Variants in KCTD8 observed in about 807,000 individuals in gnomAD.
KCTD8 encodes potassium channel tetramerization domain containing 8.
KCTD8 carries 27 observed loss-of-function variants against 31.5 expected under a neutral mutation model. The ratio of observed to expected loss-of-function variants is 0.86; its 90% CI spans 0.63 to 1.18. The LOEUF (loss-of-function observed/expected upper bound fraction) is 1.18. Among genes scored for constraint, KCTD8 ranks in the 50% most tolerant of loss-of-function variants. The pLI, the probability that KCTD8 is intolerant of heterozygous loss-of-function variation, is 0.00. For synonymous variants in KCTD8, 290 were observed against 280.0 expected, an observed-to-expected ratio of 1.04 and a Z score of -0.36; for missense variants, 658 against 647.7, an observed-to-expected ratio of 1.02 and a Z score of -0.17.
chr4:44,385,159 A>T (rs1181300265), intron 1 of KCTD8, among the ~76,000 whole-genome samples: 2 of 151,726 alleles, frequency 1.3e-5, no homozygotes, highest in Non-Finnish European at 3.0e-5. Flanking sequence ...TTAGGTAGAC[A>T]CTTTAATGCA....
At chr4:44,315,827 A>T (rs1718092834) in intron 1 of KCTD8, among the ~76,000 whole-genome samples, 1 of 152,024 alleles carries the variant, frequency 6.6e-6, no homozygotes, top group African/African-American at 2.4e-5. Context: ...TGTCTTTCTG[A>T]GTGCCAATCC....
At chr4:44,189,840 GCTTT>G (rs1713710086) in intron 1 of KCTD8, among the ~76,000 whole-genome samples, 1 of 151,996 alleles carries the variant, frequency 6.6e-6, no homozygotes. Context: ...CTCCTCTTAT[GCTTT>G]CTATTTTCCT....
At chr4:44,177,958 C>T (rs1172106993) in intron 1 of KCTD8, among the ~76,000 whole-genome samples, 1 of 152,196 alleles carries the variant, frequency 6.6e-6, no homozygotes, top group East Asian at 1.9e-4. Context: ...TGGCCACCAG[C>T]CGTCTTTTCC....
At chr4:44,397,224 C>T (rs182472574) in intron 1 of KCTD8, among the ~76,000 whole-genome samples, 17 of 152,180 alleles carry the variant, frequency 1.1e-4, no homozygotes, top group Admixed American at 1.1e-3. Context: ...AATACAGAAA[C>T]ATGGAGTTAA....
At chr4:44,434,464 T>C (rs1403645716) in intron 1 of KCTD8, among the ~76,000 whole-genome samples, 1 of 151,882 alleles carries the variant, frequency 6.6e-6, no homozygotes, top group African/African-American at 2.4e-5. Flanking sequence ...CACACAGTTA[T>C]TAACTAAAGG....
chr4:44,401,450 A>C (rs914167830), intron 1 of KCTD8, among the ~76,000 whole-genome samples: 3 of 152,128 alleles, frequency 2.0e-5, no homozygotes, highest in African/African-American at 7.2e-5. Context: ...TGGCTTGGGG[A>C]CTTGAGAAAG....
chr4:44,252,920 A>C (rs966799795), intron 1 of KCTD8, among the ~76,000 whole-genome samples: 1 of 151,746 alleles, frequency 6.6e-6, no homozygotes, highest in Non-Finnish European at 1.5e-5. Flanking sequence ...TTGAAGGTTC[A>C]TCATAACTTA....
intron 1 of KCTD8, among the ~76,000 whole-genome samples, chr4:44,255,814 C>T (rs1715973310): frequency 6.6e-6 from 1 of 151,910 alleles, no homozygotes; most frequent in South Asian, 2.1e-4. Flanking sequence ...GATAACATCT[C>T]TATTACTTTG....
At chr4:44,338,167 A>C (rs1718805522) in intron 1 of KCTD8, among the ~76,000 whole-genome samples, 1 of 152,140 alleles carries the variant, frequency 6.6e-6, no homozygotes, top group African/African-American at 2.4e-5. Context: ...TAGTAATGAA[A>C]TTAGAGATGA....
At chr4:44,429,859 G>A (rs941695249) in intron 1 of KCTD8, among the ~76,000 whole-genome samples, 1 of 151,666 alleles carries the variant, frequency 6.6e-6, no homozygotes, top group Admixed American at 6.6e-5. Context: ...TAGAACAGAA[G>A]GGACGTCAGA....
chr4:44,423,022 AT>A (rs768496476), intron 1 of KCTD8, among the ~76,000 whole-genome samples: 47 of 152,176 alleles, frequency 3.1e-4, no homozygotes, highest in Admixed American at 7.9e-4. Context: ...TTCAACATTT[AT>A]TTAGGTCAGC....
intron 1 of KCTD8, among the ~76,000 whole-genome samples, chr4:44,298,000 T>C: frequency 6.6e-6 from 1 of 152,198 alleles, no homozygotes; most frequent in Non-Finnish European, 1.5e-5. Context: ...GCCATTAGAC[T>C]ATGAACTCAT....
chr4:44,287,264 T>A (rs922805145), intron 1 of KCTD8, among the ~76,000 whole-genome samples: 3 of 152,028 alleles, frequency 2.0e-5, no homozygotes. Flanking sequence ...AATAAATAAA[T>A]AAATAAACAT....
rs1715792559 is a variant in KCTD8, at chr4:44,250,381, G to T, written c.962-75131C>A. On this transcript the variant is annotated intron_variant, in intron 1 of 1. Coordinates refer to ENST00000360029, the MANE Select transcript of KCTD8 (RefSeq NM_198353.3). ...TTAATACTAATTGCTTAGGTTTAGG[G>T]AGTGTTTACTATGTTAAGCATGGTT... is the stretch of plus-strand genomic sequence containing the variant. Among the ~76,000 whole-genome samples the T allele has an allele frequency of 2.0e-5, 3 of 151,712 alleles. No individual in the cohort carries two copies. The South Asian group carries it at 6.2e-4, about 31-fold the overall frequency.
intron 1 of KCTD8, among the ~76,000 whole-genome samples, chr4:44,194,059 G>A (rs1316460588): frequency 6.6e-6 from 1 of 152,084 alleles, no homozygotes; most frequent in Non-Finnish European, 1.5e-5. Flanking sequence ...CCCATGACTT[G>A]TCAGGTACCA....
chr4:44,379,107 T>C (rs1719994118), intron 1 of KCTD8, among the ~76,000 whole-genome samples: 1 of 151,998 alleles, frequency 6.6e-6, no homozygotes, highest in Admixed American at 6.6e-5. Flanking sequence ...CAGGATAATA[T>C]CCCCATCTCA....
At chr4:44,346,683 C>G (rs1024196429) in intron 1 of KCTD8, among the ~76,000 whole-genome samples, 5 of 152,170 alleles carry the variant, frequency 3.3e-5, no homozygotes, top group Admixed American at 6.5e-5. Context: ...GATGACAGCA[C>G]TAGTACAAAG....
intron 1 of KCTD8, among the ~76,000 whole-genome samples, chr4:44,205,844 CT>C (rs770325946): frequency 5.3e-5 from 8 of 152,182 alleles, no homozygotes; most frequent in Admixed American, 1.3e-4. Context: ...CAGAATTAAA[CT>C]TACCATGTCG....
At chr4:44,317,385 G>A (rs994543135) in intron 1 of KCTD8, among the ~76,000 whole-genome samples, 5 of 143,690 alleles carry the variant, frequency 3.5e-5, no homozygotes, top group Admixed American at 1.4e-4. Context: ...GACTACAGGC[G>A]CCCGCCACCG....
Sources: gnomAD v4.1 joint callset for allele counts (sites outside exome capture counted in the v4.1 genomes callset) on GRCh38, gnomAD v4.1.1 for gene constraint, MANE v1.5 for transcripts, NCBI Gene and HGNC (gene_info 2026-07-23, HGNC 2026-07-21) for gene names.